The following CFAP20DC variants were observed in gnomAD, a reference collection of about 807,000 sequenced individuals.
CFAP20DC encodes CFAP20 domain containing.
Under a neutral mutation model 101.7 loss-of-function variants are expected in CFAP20DC, and 84 were observed. The ratio of observed to expected loss-of-function variants is 0.83; its 90% CI spans 0.69 to 0.99. CFAP20DC has a LOEUF of 0.99. Among genes scored for constraint, CFAP20DC ranks in the 50% least tolerant of loss-of-function variants. The pLI, the probability that CFAP20DC is intolerant of heterozygous loss-of-function variation, is 0.00. For synonymous variants in CFAP20DC, 359 were observed against 351.2 expected, an observed-to-expected ratio of 1.02 and a Z score of -0.25; for missense variants, 1,007 against 970.3, an observed-to-expected ratio of 1.04 and a Z score of -0.50.
At position 58,869,574 on chromosome 3, in the gene CFAP20DC, G is replaced by A. The variant is rs2079967760; in HGVS notation, c.853-84C>T. The A allele has an allele frequency of 2.7e-6, 3 of 1,121,386 alleles. No homozygotes were observed. Among genetic ancestry groups the A allele is most frequent in the African/African-American group, 1.6e-5 (1 of 62,734 alleles). The allele number at this position is 1,121,386 out of a possible 1,614,324, so 69.5% of individuals were successfully genotyped here. ...AAGCTATATAGAAAACATAATATTT[G>A]GACCAATGAAGAGTGAGAAAAAAAC... On this transcript the variant is annotated intron_variant, in intron 8 of 16. Coordinates refer to ENST00000482387, the MANE Select transcript of CFAP20DC (RefSeq NM_001394063.1). The surrounding 1 kb of genome is among the most constrained non-coding windows in gnomAD (Gnocchi z 4.3).
chr3:58,788,496 T>C lies in CFAP20DC; in HGVS notation c.2237+17899A>G, dbSNP rs2072577096. On this transcript the variant is annotated intron_variant, in intron 15 of 16. Transcript: ENST00000482387. This position sits in a 1 kb window ranked among gnomAD's most constrained non-coding sequence, Gnocchi z 4.2. The stretch of plus-strand genomic sequence containing the variant: ...TTATCACCTCAACTTCTAGCACGAC[T>C]TTCCTAAATCTCAGCAAGACGTGGC... 6.6e-6 allele frequency among the ~76,000 whole-genome samples: 1 copy of C among 152,162 alleles called. No homozygotes were observed. The highest frequency in any genetic ancestry group is 2.4e-5 in the African/African-American group (1 of 41,444).
chr3:58,992,891 T>C (rs1004389977), intron 4 of CFAP20DC, among the ~76,000 whole-genome samples: 6 of 152,206 alleles, frequency 3.9e-5, no homozygotes, highest in African/African-American at 1.2e-4. Flanking sequence ...TACTTTATTT[T>C]AAAGCTTATT....
chr3:58,815,208 T>G (rs979212474), intron 14 of CFAP20DC, among the ~76,000 whole-genome samples: 7 of 151,526 alleles, frequency 4.6e-5, no homozygotes, highest in African/African-American at 1.5e-4. Context: ...ACGCTGCATA[T>G]CTACAACTAT....
chr3:59,011,470 G>C lies in CFAP20DC; in HGVS notation c.278+28087C>G, dbSNP rs570680114. ...ATATGTCACACCTCAAGGAACTAGA[G>C]AAACAAGAACAAATCAAACCCAAAC... On this transcript the variant is annotated intron_variant, in intron 4 of 16. Transcript: ENST00000482387. Among the ~76,000 whole-genome samples, 77 of 150,632 alleles carry C rather than the reference G, an allele frequency of 5.1e-4. 1 individual carries two copies. Among genetic ancestry groups the C allele is most frequent in the African/African-American group, 1.8e-3 (75 of 41,036 alleles).
chr3:58,763,569 C>T lies in CFAP20DC; in HGVS notation c.2238-9706G>A, dbSNP rs553362124. 2.1e-4 allele frequency among the ~76,000 whole-genome samples: 32 copies of T among 152,288 alleles called. No homozygotes were observed. The South Asian group carries it at 6.0e-3, about 29-fold the overall frequency. The stretch of plus-strand genomic sequence containing the variant: ...AGTCATTCTCCGTCCAGCTTTGTTC[C>T]GTTGCTGGTGAGAAGCTGCATTCCT... On this transcript the variant is annotated intron_variant, in intron 15 of 16. Coordinates refer to ENST00000482387, the MANE Select transcript of CFAP20DC (RefSeq NM_001394063.1).
At chr3:58,733,340 A>T (rs1396515567) in intron 3 of CFAP20DC, among the ~76,000 whole-genome samples, 1 of 151,512 alleles carries the variant, frequency 6.6e-6, no homozygotes, top group African/African-American at 2.4e-5. Flanking sequence ...TGTACCCTAA[A>T]ACTTAAAGTA....
intron 7 of CFAP20DC, among the ~76,000 whole-genome samples, chr3:58,871,725 A>C (rs1018856061): frequency 1.2e-4 from 18 of 151,740 alleles, no homozygotes; most frequent in Non-Finnish European, 2.5e-4. Context: ...ATGGGGTTTC[A>C]CCCTGTCGGC....
chr3:58,965,016 G>A (rs1220996876), intron 4 of CFAP20DC, among the ~76,000 whole-genome samples: 1 of 152,064 alleles, frequency 6.6e-6, no homozygotes, highest in Non-Finnish European at 1.5e-5. Flanking sequence ...GCTTACCAAG[G>A]TTTGCATTTA....
At chr3:58,958,619 C>T (rs1470615968) in intron 4 of CFAP20DC, among the ~76,000 whole-genome samples, 2 of 152,148 alleles carry the variant, frequency 1.3e-5, no homozygotes, top group South Asian at 2.1e-4. Flanking sequence ...CTCACCAACA[C>T]CTGATATTAT....
Position 58,820,137 on chromosome 3 carries a change from A to G in CFAP20DC, c.2175+11549T>C, listed in dbSNP as rs1057170492. On this transcript the variant is annotated intron_variant, in intron 14 of 16. Coordinates refer to ENST00000482387, the MANE Select transcript of CFAP20DC (RefSeq NM_001394063.1). ...TGAATAAATTAGGTATTGATGGGAC[A>G]TATTTCAAAATAATAAGAGCTATCT... Among the ~76,000 whole-genome samples the G allele has an allele frequency of 8.8e-3, 1,339 of 151,838 alleles. 19 individuals are homozygous for G. The highest frequency in any genetic ancestry group is 0.03 in the African/African-American group (1,224 of 41,214).
At chr3:58,974,000 C>A (rs111523503) in intron 4 of CFAP20DC, among the ~76,000 whole-genome samples, 1,555 of 152,192 alleles carry the variant, frequency 0.01, 29 homozygotes, top group African/African-American at 0.035. Flanking sequence ...TCAAGGGAGT[C>A]TGGGTGATTC....
At chr3:58,751,779 A>G (rs1208073630) in intron 16 of CFAP20DC, among the ~76,000 whole-genome samples, 1 of 152,002 alleles carries the variant, frequency 6.6e-6, no homozygotes, top group Non-Finnish European at 1.5e-5. Context: ...TTTGTGACTC[A>G]GTAGTTGTGG....
Position 59,014,583 on chromosome 3 carries a change from TGTG to T in CFAP20DC, c.278+24971_278+24973del, listed in dbSNP as rs2093651935. On this transcript the variant is annotated intron_variant, in intron 4 of 16. Coordinates refer to ENST00000482387, the MANE Select transcript of CFAP20DC (RefSeq NM_001394063.1). The surrounding 1 kb of genome is among the most constrained non-coding windows in gnomAD (Gnocchi z 4.9). The stretch of plus-strand genomic sequence containing the variant: ...ATTTAAGCAAACTAAAAGGTAGTGT[TGTG>T]GTAATTATAATATGCTGCTGCCTTT... Among the ~76,000 whole-genome samples, 1 of 152,270 alleles carries T rather than the reference TGTG, an allele frequency of 6.6e-6. No individual in the cohort carries two copies. Among genetic ancestry groups the T allele is most frequent in the Non-Finnish European group, 1.5e-5 (1 of 68,006 alleles).
At chr3:58,990,327 C>T (rs2092898634) in intron 4 of CFAP20DC, among the ~76,000 whole-genome samples, 1 of 152,034 alleles carries the variant, frequency 6.6e-6, no homozygotes, top group Non-Finnish European at 1.5e-5. Context: ...ATTCTTCTTC[C>T]CAAGAATAAC....
At chr3:58,796,993 A>C (rs1308982707) in intron 15 of CFAP20DC, among the ~76,000 whole-genome samples, 1 of 152,106 alleles carries the variant, frequency 6.6e-6, no homozygotes, top group Non-Finnish European at 1.5e-5. Flanking sequence ...GACTAATTCC[A>C]CTTGATCAAC....
intron 16 of CFAP20DC, among the ~76,000 whole-genome samples, chr3:58,744,198 C>T (rs186043982): frequency 2.9e-4 from 44 of 152,242 alleles, no homozygotes; most frequent in African/African-American, 1.0e-3. Context: ...CTGTGGAATA[C>T]GCAGGAATTA....
At chr3:59,019,185 G>A (rs571577099) in intron 4 of CFAP20DC, 28 of 152,078 alleles carry the variant, frequency 1.8e-4, no homozygotes, top group South Asian at 8.3e-4. Context: ...TTGTAAGAGC[G>A]AAAAAGCTGA....
chr3:58,932,419 A>T (rs1485641971), intron 5 of CFAP20DC, among the ~76,000 whole-genome samples: 2 of 152,040 alleles, frequency 1.3e-5, no homozygotes, highest in African/African-American at 4.8e-5. Context: ...GGAAATACAG[A>T]GAATGCCACA....
intron 4 of CFAP20DC, among the ~76,000 whole-genome samples, chr3:59,030,230 CAT>C (rs1348629615): frequency 5.3e-5 from 8 of 152,266 alleles, no homozygotes; most frequent in Admixed American, 2.6e-4. Flanking sequence ...CTGCCAGAAA[CAT>C]AGTAAAACAC....
Sources: allele counts gnomAD v4.1 joint callset (sites outside exome capture counted in the v4.1 genomes callset), GRCh38; gene constraint gnomAD v4.1.1; non-coding constraint Gnocchi (gnomAD v3.1); transcripts MANE v1.5; gene names NCBI Gene and HGNC (gene_info 2026-07-23, HGNC 2026-07-21).